Variants in CEP85L observed in about 807,000 individuals in gnomAD.
CEP85L encodes the protein centrosomal protein of 85 kDa-like.
In CEP85L, 60 loss-of-function variants were observed where a neutral mutation model predicts 100.3. The observed-to-expected ratio is 0.60, with a 90% CI of 0.49 to 0.74. The LOEUF (loss-of-function observed/expected upper bound fraction) is 0.74. CEP85L is among the 30% of genes least tolerant of loss of function. CEP85L has a pLI of 0.00. For missense variants in CEP85L, 973 were observed against 936.2 expected, an observed-to-expected ratio of 1.04 and a Z score of -0.51; for synonymous variants, 319 against 322.7, an observed-to-expected ratio of 0.99 and a Z score of 0.12.
Position 118,566,223 on chromosome 6 carries a change from G to A in CEP85L, c.326C>T (p.Ala109Val). ...TGATTCCCTAAGTTTGGAAATTGAA[G>A]CGCTGGAATTAGACGGCATCACATG... ...TAHVMPSNSS[A>V]SISKLRESLT... Residue 109 changes from alanine to valine, a missense_variant, in exon 3 of 13, where the codon GCT becomes GTT. Physicochemically the swap from Ala to Val is moderately conservative, Grantham distance 64 (BLOSUM62 0). Coordinates refer to ENST00000368491, the MANE Select transcript of CEP85L (RefSeq NM_001042475.3). 1 of 1,614,110 alleles carries A rather than the reference G, an allele frequency of 6.2e-7. No homozygotes were observed. Among genetic ancestry groups the A allele is most frequent in the South Asian group, 1.1e-5 (1 of 91,084 alleles).
chr6:118,614,963 CTG>C (rs1165907246), intron 2 of CEP85L, among the ~76,000 whole-genome samples: 1 of 152,232 alleles, frequency 6.6e-6, no homozygotes, highest in African/African-American at 2.4e-5. Flanking sequence ...AAACTTATTT[CTG>C]TGTTCTATGT....
intron 4 of CEP85L, 26 bp from the exon 5 acceptor site, chr6:118,511,441 T>C (rs1265999982): frequency 4.2e-6 from 6 of 1,421,876 alleles, no homozygotes; most frequent in Non-Finnish European, 6.0e-6. Flanking sequence ...TAAGGTCACA[T>C]TATGAGTTAT....
At position 118,465,331 on chromosome 6, in the gene CEP85L, A is replaced by G; in HGVS notation, c.*74T>C. On this transcript the variant is annotated 3_prime_UTR_variant, in exon 13 of 13. Transcript: ENST00000368491. ...CCTAAGTGCAAGTCATGTCACTTGC[A>G]ACCTTCCATTATGGCTCCATAACAC... The G allele has an allele frequency of 7.0e-7, 1 of 1,419,688 alleles. No homozygotes were observed. The highest frequency in any genetic ancestry group is 9.5e-7 in the Non-Finnish European group (1 of 1,051,400). 87.9% of individuals were successfully genotyped at this position (1,419,688 alleles called of 1,614,324 possible). A position where few individuals can be genotyped will look rare whatever the true frequency, so the allele number is the denominator to read the frequency against.
At chr6:118,646,439 C>T (rs1276304365) in intron 1 of CEP85L, among the ~76,000 whole-genome samples, 2 of 151,972 alleles carry the variant, frequency 1.3e-5, no homozygotes, top group African/African-American at 4.8e-5. Context: ...GAGGCCAAGG[C>T]AGGCGGATCA....
chr6:118,614,096 T>C (rs886093896), intron 2 of CEP85L, among the ~76,000 whole-genome samples: 9 of 152,156 alleles, frequency 5.9e-5, no homozygotes, highest in African/African-American at 1.9e-4. Flanking sequence ...AGTAATAAAA[T>C]GCACCACCAT....
At chr6:118,660,061 G>A (rs1031449055) in intron 1 of CEP85L, among the ~76,000 whole-genome samples, 1 of 152,230 alleles carries the variant, frequency 6.6e-6, no homozygotes, top group Non-Finnish European at 1.5e-5. Context: ...GCAGATGAGA[G>A]TGTGTCTCCT....
chr6:118,647,270 A>G (rs1479445102), intron 1 of CEP85L, among the ~76,000 whole-genome samples: 1 of 152,260 alleles, frequency 6.6e-6, no homozygotes, highest in Non-Finnish European at 1.5e-5. Context: ...ACATTTTTTC[A>G]GCTCAAGTGT....
intron 2 of CEP85L, among the ~76,000 whole-genome samples, chr6:118,624,868 T>G (rs1325369849): frequency 6.6e-6 from 1 of 152,234 alleles, no homozygotes; most frequent in East Asian, 1.9e-4. Context: ...CAAGTCCATA[T>G]AAGAAACTAG....
At chr6:118,532,215 T>A (rs927850485) in intron 3 of CEP85L, among the ~76,000 whole-genome samples, 1 of 152,076 alleles carries the variant, frequency 6.6e-6, no homozygotes, top group Admixed American at 6.6e-5. Flanking sequence ...TGAAGCAACA[T>A]GGATGGAGTA....
intron 1 of CEP85L, chr6:118,647,227 G>C (rs1217752427): frequency 1.5e-5 from 3 of 196,930 alleles, no homozygotes; most frequent in African/African-American, 7.1e-5. Flanking sequence ...TCAATTAAGA[G>C]GTAAATGTAA....
intron 5 of CEP85L, 33 bp from the exon 6 acceptor site, chr6:118,491,898 T>C: frequency 1.3e-6 from 2 of 1,521,258 alleles, no homozygotes; most frequent in Non-Finnish European, 1.8e-6. Flanking sequence ...GGTAAGACTT[T>C]AAAAGTTTGT....
chr6:118,539,364 C>G (rs1427530092), intron 3 of CEP85L, among the ~76,000 whole-genome samples: 2 of 152,090 alleles, frequency 1.3e-5, no homozygotes, highest in Non-Finnish European at 2.9e-5. Context: ...AGCTTAGGAG[C>G]AAATACCATA....
chr6:118,599,863 TCTC>T (rs1432452628), intron 2 of CEP85L, among the ~76,000 whole-genome samples: 3 of 152,110 alleles, frequency 2.0e-5, no homozygotes, highest in Admixed American at 2.0e-4. Flanking sequence ...TTTGACTAGT[TCTC>T]CTCAAAACTG....
At chr6:118,540,557 C>T (rs574981808) in intron 3 of CEP85L, among the ~76,000 whole-genome samples, 4 of 152,048 alleles carry the variant, frequency 2.6e-5, no homozygotes, top group Admixed American at 2.0e-4. Context: ...GAGATGTAGA[C>T]CATCCTGGCC....
At chr6:118,533,813 A>T (rs1158351588) in intron 3 of CEP85L, among the ~76,000 whole-genome samples, 1 of 152,178 alleles carries the variant, frequency 6.6e-6, no homozygotes, top group Non-Finnish European at 1.5e-5. Context: ...AATCAATGCA[A>T]GCTGGGCGCA....
chr6:118,704,925 C>T (rs1205955132), intron 1 of CEP85L, among the ~76,000 whole-genome samples: 1 of 152,020 alleles, frequency 6.6e-6, no homozygotes, highest in Non-Finnish European at 1.5e-5. Flanking sequence ...AATTCACAGG[C>T]TTCCTGTTTC....
chr6:118,626,712 C>CTT (rs1483220239), intron 2 of CEP85L, among the ~76,000 whole-genome samples: 5 of 152,146 alleles, frequency 3.3e-5, no homozygotes, highest in African/African-American at 1.2e-4. Context: ...ACAGCTCACT[C>CTT]TCTCTCTCAG....
At chr6:118,663,397 A>G (rs954202396) in intron 1 of CEP85L, among the ~76,000 whole-genome samples, 2 of 152,238 alleles carry the variant, frequency 1.3e-5, no homozygotes, top group African/African-American at 4.8e-5. Context: ...TAACAATAGA[A>G]AAGTAGTCAA....
In CEP85L at chr6:118,651,515, C is replaced by T. The variant is rs1024413772; in HGVS notation, c.-246G>A. 1.6e-6 allele frequency: 2 copies of T among 1,263,402 alleles called. No individual in the cohort carries two copies. The highest frequency in any genetic ancestry group is 1.6e-5 in the African/African-American group (1 of 64,062). The allele number at this position is 1,263,402 out of a possible 1,614,324, so 78.3% of individuals were successfully genotyped here. A position where few individuals can be genotyped will look rare whatever the true frequency, so the allele number is the denominator to read the frequency against. ...GGCCCGCGCCGGGGAAGCGGCGACT[C>T]GGCGGTGACGGCTGCTAGATCCCCG... On this transcript the variant is annotated 5_prime_UTR_variant, in exon 1 of 13. Coordinates refer to ENST00000368491, the MANE Select transcript of CEP85L (RefSeq NM_001042475.3).
Sources: gnomAD v4.1 joint callset for allele counts (sites outside exome capture counted in the v4.1 genomes callset) on GRCh38, gnomAD v4.1.1 for gene constraint, MANE v1.5 for transcripts, NCBI Gene and HGNC (gene_info 2026-07-23, HGNC 2026-07-21) for gene names.